The following MACROD2 variants were observed in gnomAD, a reference collection of about 807,000 sequenced individuals.
MACROD2 encodes mono-ADP ribosylhydrolase 2.
A neutral mutation model predicts 70.4 loss-of-function variants in MACROD2; 36 were observed. That is an observed-to-expected ratio of 0.51 (90% CI 0.39 to 0.68). MACROD2 has a LOEUF of 0.68. Ranked by LOEUF, MACROD2 falls within the 30% of genes least tolerant of loss-of-function variation. The pLI is 0.00. For synonymous variants in MACROD2, 172 were observed against 178.8 expected (o/e 0.96, Z 0.30); for missense variants, 496 against 538.4 (o/e 0.92, Z 0.78).
chr20:15,943,908 G>A (rs910802160), intron 12 of MACROD2, among the ~76,000 whole-genome samples: 7 of 151,740 alleles, frequency 4.6e-5, no homozygotes, highest in African/African-American at 1.7e-4. Flanking sequence ...TCCCTTTAAG[G>A]ATTAAACTGT....
At chr20:14,853,173 C>CTGTGTGTGTGTG (rs147348353) in intron 5 of MACROD2, among the ~76,000 whole-genome samples, 170 of 149,340 alleles carry the variant, frequency 1.1e-3, no homozygotes, top group African/African-American at 3.9e-3. Context: ...GTGTGTGTGT[C>CTGTGTGTGTGTG]TGTGTGTGTG....
intron 5 of MACROD2, among the ~76,000 whole-genome samples, chr20:14,699,020 A>G (rs975622326): frequency 1.3e-5 from 2 of 152,022 alleles, no homozygotes; most frequent in African/African-American, 2.4e-5. Flanking sequence ...GGTGTGCTGC[A>G]CATCTTTTTC....
chr20:15,016,166 T>C (rs981207688), intron 5 of MACROD2, among the ~76,000 whole-genome samples: 5 of 152,192 alleles, frequency 3.3e-5, no homozygotes, highest in African/African-American at 1.2e-4. Flanking sequence ...TTCTGGGTGT[T>C]AATGAAAATC....
chr20:15,193,454 G>T (rs1305842473), intron 5 of MACROD2, among the ~76,000 whole-genome samples: 4 of 151,968 alleles, frequency 2.6e-5, no homozygotes, highest in African/African-American at 9.7e-5. Flanking sequence ...ACTAGCCTGG[G>T]CAACATAGCA....
intron 5 of MACROD2, among the ~76,000 whole-genome samples, chr20:15,207,203 C>G (rs1190268823): frequency 6.6e-6 from 1 of 152,084 alleles, no homozygotes; most frequent in African/African-American, 2.4e-5. Context: ...ATCACACCCT[C>G]TCTGTTTCAA....
At chr20:14,787,665 C>T (rs1053783661) in intron 5 of MACROD2, among the ~76,000 whole-genome samples, 19 of 152,066 alleles carry the variant, frequency 1.2e-4, no homozygotes, top group African/African-American at 3.9e-4. Context: ...TTTTCCTTTT[C>T]ATGCCGGGGA....
At chr20:15,300,947 T>C (rs1395898826) in intron 6 of MACROD2, among the ~76,000 whole-genome samples, 1 of 152,156 alleles carries the variant, frequency 6.6e-6, no homozygotes, top group African/African-American at 2.4e-5. Context: ...AGTTAGTTTC[T>C]TGAGAGGGGA....
intron 3 of MACROD2, among the ~76,000 whole-genome samples, chr20:14,142,663 T>G (rs982716608): frequency 6.6e-6 from 1 of 152,202 alleles, no homozygotes; most frequent in Non-Finnish European, 1.5e-5. Flanking sequence ...TTTGTTAAAC[T>G]TGCCACTGCC....
intron 6 of MACROD2, among the ~76,000 whole-genome samples, chr20:15,281,387 C>G (rs1600191314): frequency 6.6e-6 from 1 of 152,188 alleles, no homozygotes; most frequent in African/African-American, 2.4e-5. Flanking sequence ...CAAGGCAAGT[C>G]CCTTCTGCCT....
chr20:15,482,844 C>T (rs1409454831), intron 7 of MACROD2, among the ~76,000 whole-genome samples: 1 of 152,066 alleles, frequency 6.6e-6, no homozygotes, highest in Non-Finnish European at 1.5e-5. Flanking sequence ...TTACATATGC[C>T]TATTTGCCAT....
chr20:14,431,799 A>T (rs959659393), intron 3 of MACROD2, among the ~76,000 whole-genome samples: 6 of 152,160 alleles, frequency 3.9e-5, no homozygotes, highest in African/African-American at 1.2e-4. Flanking sequence ...AGAGTTAGGG[A>T]CAGAACCAAG....
Position 14,230,654 on chromosome 20 carries a change from T to TATATATATATAAA in MACROD2, c.271+144927_271+144928insTATATATATAAAA. On this transcript the variant is annotated intron_variant, in intron 3 of 17. Transcript: ENST00000684519. ...GTTTATATATATATATATATATATA[T>TATATATATATAAA]AACACAGGCTGGGCCTATATATATA... Among the ~76,000 whole-genome samples the TATATATATATAAA allele has an allele frequency of 2.0e-3, 148 of 74,150 alleles. 9 individuals are homozygous for TATATATATATAAA. The highest frequency in any genetic ancestry group is 8.8e-3 in the African/African-American group (129 of 14,740). The allele number at this position is 74,150 out of a possible 152,430, so 48.6% of individuals were successfully genotyped here.
intron 3 of MACROD2, among the ~76,000 whole-genome samples, chr20:14,277,382 G>A (rs1189370897): frequency 4.6e-5 from 7 of 152,192 alleles, no homozygotes; most frequent in Admixed American, 2.6e-4. Context: ...CCCAGGAGGC[G>A]GAGGTTGCAG....
intron 5 of MACROD2, among the ~76,000 whole-genome samples, chr20:15,081,693 C>G (rs1298012552): frequency 6.6e-6 from 1 of 152,064 alleles, no homozygotes; most frequent in East Asian, 1.9e-4. Context: ...TAGAGACCAC[C>G]CCTCTGATAG....
chr20:14,296,017 A>G (rs940593827), intron 3 of MACROD2, among the ~76,000 whole-genome samples: 1 of 151,806 alleles, frequency 6.6e-6, no homozygotes, highest in South Asian at 2.1e-4. Context: ...CTGTGATTCA[A>G]TCTGTTGGAA....
chr20:16,038,163 AGAT>A (rs1287171746), intron 15 of MACROD2, among the ~76,000 whole-genome samples: 1 of 78,300 alleles, frequency 1.3e-5, no homozygotes, highest in Non-Finnish European at 3.5e-5. Flanking sequence ...TTTATTCACT[AGAT>A]AACTTTTTTT....
At chr20:14,637,506 G>T (rs1189142028) in intron 4 of MACROD2, among the ~76,000 whole-genome samples, 1 of 152,194 alleles carries the variant, frequency 6.6e-6, no homozygotes, top group Non-Finnish European at 1.5e-5. Flanking sequence ...TCTCAGGCTT[G>T]TAAGCTCCCA....
At chr20:15,079,562 C>T (rs1167566550) in intron 5 of MACROD2, among the ~76,000 whole-genome samples, 2 of 152,152 alleles carry the variant, frequency 1.3e-5, no homozygotes, top group Non-Finnish European at 2.9e-5. Context: ...CTTGAGCCTA[C>T]TATATTCCAC....
chr20:15,249,901 A>G (rs1176047241), intron 6 of MACROD2, among the ~76,000 whole-genome samples: 4 of 152,372 alleles, frequency 2.6e-5, no homozygotes, highest in Non-Finnish European at 5.9e-5. Flanking sequence ...TAAGAGTGAA[A>G]TGTAGGTATT....
Sources: gnomAD v4.1 joint callset for allele counts (sites outside exome capture counted in the v4.1 genomes callset) on GRCh38, gnomAD v4.1.1 for gene constraint, MANE v1.5 for transcripts, NCBI Gene and HGNC (gene_info 2026-07-23, HGNC 2026-07-21) for gene names.